Variants in STARD5 observed in about 807,000 individuals in gnomAD.
STARD5 encodes StAR related lipid transfer domain containing 5, also known as stAR-related lipid transfer protein 5.
Under a neutral mutation model 24.6 loss-of-function variants are expected in STARD5, and 26 were observed. The observed-to-expected ratio is 1.06, with a 90% CI of 0.77 to 1.47. The LOEUF (loss-of-function observed/expected upper bound fraction) is 1.47, where lower values mean the gene tolerates loss of function less well. Ranked by LOEUF, STARD5 falls within the 40% of genes most tolerant of loss-of-function variation. STARD5 has a pLI of 0.00. For missense variants in STARD5, 254 were observed against 270.8 expected, an observed-to-expected ratio of 0.94 and a Z score of 0.44; for synonymous variants, 101 against 99.7, an observed-to-expected ratio of 1.01 and a Z score of -0.07.
chr15:81,319,842 G>A (rs1901160414), intron 3 of STARD5, among the ~76,000 whole-genome samples: 1 of 152,192 alleles, frequency 6.6e-6, no homozygotes, highest in South Asian at 2.1e-4. Context: ...GACACTTAGA[G>A]AGACTAAGGA....
Position 81,324,131 on chromosome 15 carries a change from G to C in STARD5, c.-32C>G. ...GGGAGCTGCGCTTAGCTGCGGGGTCGCGGGTGTTATGAGCGGCGGCGCTGG... is the reference window on the plus strand; with the variant it reads ...GGGAGCTGCGCTTAGCTGCGGGGTCCCGGGTGTTATGAGCGGCGGCGCTGG... On this transcript the variant is annotated 5_prime_UTR_variant, in exon 1 of 6. Coordinates refer to ENST00000302824, the MANE Select transcript of STARD5 (RefSeq NM_181900.3). 7 of 1,310,740 alleles carry C rather than the reference G, an allele frequency of 5.3e-6. No homozygotes were observed. Among genetic ancestry groups the C allele is most frequent in the Non-Finnish European group, 6.9e-6 (7 of 1,021,210 alleles). The allele number at this position is 1,310,740 out of a possible 1,614,324, so 81.2% of individuals were successfully genotyped here.
chr15:81,323,026 A>G, intron 1 of STARD5, 78 bp from the exon 2 acceptor site: 1 of 1,480,394 alleles, frequency 6.8e-7, no homozygotes, highest in South Asian at 1.2e-5. Flanking sequence ...TGTTCTACAG[A>G]AGAGGGGTAA....
In STARD5 at chr15:81,322,830, G is replaced by A; in HGVS notation, c.149+69C>T. On this transcript the variant is annotated intron_variant, in intron 2 of 5. Transcript: ENST00000302824. ...TAGGGTTGATTTGAATATTTTAGGA[G>A]GCAGGCCCATAAAGATACCAGGAAG... 3 of 1,585,516 alleles carry A rather than the reference G, an allele frequency of 1.9e-6. No homozygotes were observed. In the Admixed American group the frequency reaches 5.0e-5, roughly 26 times the overall value.
intron 2 of STARD5, 87 bp downstream of exon 2, chr15:81,322,812 G>T: frequency 1.3e-6 from 2 of 1,542,930 alleles, no homozygotes; most frequent in South Asian, 1.1e-5. Flanking sequence ...TTATAGGGTT[G>T]ATTTGAATAT....
Position 81,312,331 on chromosome 15 carries a change from G to C in STARD5, c.*925C>G, listed in dbSNP as rs547066996. 1.3e-5 allele frequency: 2 copies of C among 152,366 alleles called. No individual in the cohort carries two copies. The highest frequency in any genetic ancestry group is 6.5e-5 in the Admixed American group (1 of 15,310). The allele number at this position is 152,366 out of a possible 1,614,324, so 9.4% of individuals were successfully genotyped here. A position where few individuals can be genotyped will look rare whatever the true frequency, so the allele number is the denominator to read the frequency against. ...ATCTAGAGGGGGGATTTCCAGCCAGGGCTGCTAGACGGAGGCCTACTCTTC... is the reference window on the plus strand; with the variant it reads ...ATCTAGAGGGGGGATTTCCAGCCAGCGCTGCTAGACGGAGGCCTACTCTTC... On this transcript the variant is annotated 3_prime_UTR_variant, in exon 6 of 6. Coordinates refer to ENST00000302824, the MANE Select transcript of STARD5 (RefSeq NM_181900.3).
chr15:81,322,243 T>G (rs1176688318), intron 3 of STARD5, among the ~76,000 whole-genome samples, 165 bp downstream of exon 3: 2 of 152,162 alleles, frequency 1.3e-5, no homozygotes, highest in African/African-American at 4.8e-5. Context: ...ACCGGGAAAC[T>G]GGGCTGAGGC....
In STARD5 at chr15:81,309,566, G is replaced by A. The variant is rs1900747459; in HGVS notation, c.*3690C>T. The stretch of plus-strand genomic sequence containing the variant: ...TAAGGGGAGAGGAAATATTGCTGGG[G>A]TCATTTATGAAAAATACAGTTTGTC... On this transcript the variant is annotated 3_prime_UTR_variant, in exon 6 of 6. Transcript: ENST00000302824. 6.6e-6 allele frequency: 1 copy of A among 152,228 alleles called. No individual in the cohort carries two copies. The highest frequency in any genetic ancestry group is 6.5e-5 in the Admixed American group (1 of 15,284). 9.4% of individuals were successfully genotyped at this position (152,228 alleles called of 1,614,324 possible). A position where few individuals can be genotyped will look rare whatever the true frequency, so the allele number is the denominator to read the frequency against.
At chr15:81,314,999 T>C (rs925467165) in intron 5 of STARD5, among the ~76,000 whole-genome samples, 2 of 151,178 alleles carry the variant, frequency 1.3e-5, no homozygotes, top group Non-Finnish European at 2.9e-5. Flanking sequence ...TGGGAGAGCA[T>C]GTGCTCCTCT....
intron 2 of STARD5, 149 bp from the exon 3 acceptor site, chr15:81,322,689 C>A: frequency 7.4e-7 from 1 of 1,356,676 alleles, no homozygotes; most frequent in African/African-American, 1.4e-5. Flanking sequence ...TCACTAGCCC[C>A]GCCTCCCTTC....
chr15:81,318,645 CT>C, intron 4 of STARD5, 143 bp from the exon 5 acceptor site: 1 of 671,272 alleles, frequency 1.5e-6, no homozygotes, highest in Non-Finnish European at 2.6e-6. Flanking sequence ...TGAGTTCCCC[CT>C]ACTCCCACCC....
chr15:81,323,893 G>C, intron 1 of STARD5, 108 bp downstream of exon 1: 1 of 1,152,114 alleles, frequency 8.7e-7, no homozygotes, highest in East Asian at 2.6e-5. Context: ...GGGTCCAGGG[G>C]ATTGGGGAGC....
At position 81,321,889 on chromosome 15, in the gene STARD5, CTG is replaced by C. The variant is rs138241464; in HGVS notation, c.282+517_282+518del. Among the ~76,000 whole-genome samples the C allele has an allele frequency of 2.1e-3, 325 of 152,260 alleles. 1 individual carries two copies. Among genetic ancestry groups the C allele is most frequent in the African/African-American group, 7.5e-3 (310 of 41,532 alleles). ...AATGATGTCATTGCTTTGTTCAAAA[CTG>C]AGATTTACATGTCAAAAATGACATG... On this transcript the variant is annotated intron_variant, in intron 3 of 5. Transcript: ENST00000302824.
chr15:81,316,810 T>C (rs942414756), intron 5 of STARD5, among the ~76,000 whole-genome samples: 1 of 152,198 alleles, frequency 6.6e-6, no homozygotes, highest in Non-Finnish European at 1.5e-5. Flanking sequence ...GTGATGTTTT[T>C]AATCAAGTGG....
rs17875585 is a variant in STARD5 at position 81,309,404 on chromosome 15, G to T, written c.*3852C>A. ...GGGCCTCCTCACAACATGGTGTCTG[G>T]ATTCCCAGGATGAGCATCCCAGGAT... On this transcript the variant is annotated 3_prime_UTR_variant, in exon 6 of 6. Transcript: ENST00000302824. The T allele has an allele frequency of 0.012, 1,886 of 152,682 alleles. 24 individuals are homozygous for T. Among genetic ancestry groups the T allele is most frequent in the Non-Finnish European group, 0.02 (1,346 of 68,258 alleles). The allele number at this position is 152,682 out of a possible 1,614,324, so 9.5% of individuals were successfully genotyped here.
At chr15:81,315,614 C>A (rs1030642883) in intron 5 of STARD5, among the ~76,000 whole-genome samples, 1 of 152,164 alleles carries the variant, frequency 6.6e-6, no homozygotes, top group African/African-American at 2.4e-5. Context: ...CAGATACAGG[C>A]TCCTCCACCT....
intron 4 of STARD5, 92 bp downstream of exon 4, chr15:81,319,247 G>T: frequency 1.7e-6 from 2 of 1,154,372 alleles, no homozygotes; most frequent in Non-Finnish European, 2.6e-6. Context: ...GGTGATTTCT[G>T]GTTGCTTGGC....
intron 1 of STARD5, 66 bp from the exon 2 acceptor site, chr15:81,323,014 CCT>C: frequency 2.5e-6 from 4 of 1,582,618 alleles, no homozygotes; most frequent in South Asian, 2.2e-5. Context: ...GGCTTAATCC[CCT>C]GTTCTACAGA....
intron 5 of STARD5, among the ~76,000 whole-genome samples, chr15:81,314,801 G>A (rs888465702): frequency 2.0e-5 from 3 of 148,114 alleles, no homozygotes; most frequent in South Asian, 2.1e-4. Flanking sequence ...CAGGAGAATC[G>A]CTTGAACCTG....
At chr15:81,314,420 C>G (rs889349426) in intron 5 of STARD5, among the ~76,000 whole-genome samples, 3 of 152,162 alleles carry the variant, frequency 2.0e-5, no homozygotes, top group Admixed American at 6.5e-5. Context: ...AACTTCTCAA[C>G]GGCCAGGACA....
Sources: gnomAD v4.1 joint callset for allele counts (sites outside exome capture counted in the v4.1 genomes callset) on GRCh38, gnomAD v4.1.1 for gene constraint, MANE v1.5 for transcripts, NCBI Gene and HGNC (gene_info 2026-07-23, HGNC 2026-07-21) for gene names.